The following NFKB1 variants were observed in gnomAD, a reference collection of about 807,000 sequenced individuals.
The protein encoded by NFKB1 is nuclear factor kappa B subunit 1.
In NFKB1, 9 loss-of-function variants were observed where a neutral mutation model predicts 105.1. The observed-to-expected ratio is 0.09, with a 90% confidence interval of 0.05 to 0.15. The LOEUF is 0.15. Among genes scored for constraint, NFKB1 ranks in the 10% least tolerant of loss-of-function variants. The probability of loss-of-function intolerance (pLI) is 1.00; values close to 1 mark genes in which losing one functional copy is unlikely to be tolerated. For synonymous variants in NFKB1, 440 were observed against 442.2 expected, an observed-to-expected ratio of 1.00 and a Z score of 0.06; for missense variants, 830 against 1,203.7, an observed-to-expected ratio of 0.69 and a Z score of 4.59.
At chr4:102,503,401 A>G (rs1353201430) in intron 1 of NFKB1, 1 of 152,016 alleles carries the variant, frequency 6.6e-6, no homozygotes, top group Non-Finnish European at 1.5e-5. Context: ...AAAGGAACAC[A>G]CGTTATATGT....
intron 1 of NFKB1, among the ~76,000 whole-genome samples, chr4:102,525,259 A>C (rs1349422604): frequency 7.3e-6 from 1 of 137,626 alleles, no homozygotes; most frequent in Non-Finnish European, 1.7e-5. Context: ...AACTCAGGAC[A>C]CTGTGGCGAG....
At chr4:102,540,052 A>C (rs1741899721) in intron 5 of NFKB1, among the ~76,000 whole-genome samples, 1 of 152,146 alleles carries the variant, frequency 6.6e-6, no homozygotes, top group South Asian at 2.1e-4. Flanking sequence ...GTATGTGTAT[A>C]TTTGTGAGAA....
At chr4:102,584,107 A>T (rs1158244837) in intron 10 of NFKB1, among the ~76,000 whole-genome samples, 2 of 152,210 alleles carry the variant, frequency 1.3e-5, no homozygotes, top group African/African-American at 2.4e-5. Flanking sequence ...AATGTCAAAG[A>T]GAATACCACT....
chr4:102,574,778 A>G (rs935373390), intron 6 of NFKB1, among the ~76,000 whole-genome samples: 1 of 152,206 alleles, frequency 6.6e-6, no homozygotes, highest in Non-Finnish European at 1.5e-5. Flanking sequence ...GTTTTACTCT[A>G]TCGTTACCTG....
At chr4:102,536,213 C>CATAG (rs1741625546) in intron 4 of NFKB1, among the ~76,000 whole-genome samples, 1 of 152,022 alleles carries the variant, frequency 6.6e-6, no homozygotes, top group Non-Finnish European at 1.5e-5. Flanking sequence ...TTACAAAAGG[C>CATAG]ATAGGGCTGA....
At chr4:102,558,305 G>A (rs1422584021) in intron 5 of NFKB1, among the ~76,000 whole-genome samples, 3 of 151,828 alleles carry the variant, frequency 2.0e-5, no homozygotes, top group Admixed American at 1.3e-4. Context: ...GTAATAATGG[G>A]TTTTCTGTTC....
intron 5 of NFKB1, among the ~76,000 whole-genome samples, chr4:102,542,377 A>C (rs1277554557): frequency 6.6e-6 from 1 of 152,202 alleles, no homozygotes; most frequent in African/African-American, 2.4e-5. Context: ...TTTTTTAAAA[A>C]AAATTTTAAT....
chr4:102,511,646 A>G (rs981907290), intron 1 of NFKB1, among the ~76,000 whole-genome samples: 2 of 152,202 alleles, frequency 1.3e-5, no homozygotes, highest in African/African-American at 2.4e-5. Flanking sequence ...ACTGCAGTCC[A>G]GTCTAGGCAA....
At chr4:102,522,235 C>T (rs72929587) in intron 1 of NFKB1, among the ~76,000 whole-genome samples, 1,845 of 152,260 alleles carry the variant, frequency 0.012, 47 homozygotes, top group African/African-American at 0.041. Flanking sequence ...GTGATTCATC[C>T]TTTCCAAATG....
At chr4:102,558,779 T>C (rs185244161) in intron 5 of NFKB1, among the ~76,000 whole-genome samples, 275 of 152,244 alleles carry the variant, frequency 1.8e-3, no homozygotes, top group Non-Finnish European at 2.9e-3. Flanking sequence ...GTCTCCCAAG[T>C]AGCCGGAACT....
intron 1 of NFKB1, among the ~76,000 whole-genome samples, chr4:102,513,097 A>G (rs747026682): frequency 1.3e-5 from 2 of 152,198 alleles, no homozygotes; most frequent in Non-Finnish European, 2.9e-5. Flanking sequence ...CTGTGATACT[A>G]TGTTTTTAGG....
chr4:102,505,432 T>A (rs965765081), intron 1 of NFKB1, among the ~76,000 whole-genome samples: 1 of 152,234 alleles, frequency 6.6e-6, no homozygotes, highest in Non-Finnish European at 1.5e-5. Flanking sequence ...TAATACAAAT[T>A]TCATCTGCTT....
chr4:102,545,136 A>G (rs774081433), intron 5 of NFKB1, among the ~76,000 whole-genome samples: 13 of 152,132 alleles, frequency 8.5e-5, no homozygotes, highest in African/African-American at 3.1e-4. Context: ...AGATCCCCAC[A>G]TGTGTTCCAC....
rs547833054 is a variant in NFKB1, at chr4:102,579,653, A to G, written c.730+614A>G. On this transcript the variant is annotated intron_variant, in intron 8 of 23. Coordinates refer to ENST00000226574, the MANE Select transcript of NFKB1 (RefSeq NM_003998.4). ...CCCCATCTCAAAAAAAAAAATATAT[A>G]TATATATATATGTATATATATATTA... Among the ~76,000 whole-genome samples the G allele has an allele frequency of 5.6e-3, 796 of 141,962 alleles. 14 individuals carry two copies. The highest frequency in any genetic ancestry group is 0.02 in the African/African-American group (759 of 38,556). The allele number at this position is 141,962 out of a possible 152,430, so 93.1% of individuals were successfully genotyped here. A position where few individuals can be genotyped will look rare whatever the true frequency, so the allele number is the denominator to read the frequency against.
At chr4:102,514,448 C>T (rs1199737460) in intron 1 of NFKB1, among the ~76,000 whole-genome samples, 1 of 152,094 alleles carries the variant, frequency 6.6e-6, no homozygotes. Flanking sequence ...CTTGCCTTTC[C>T]GCCCTCTGCC....
At chr4:102,569,122 A>G (rs1007749202) in intron 6 of NFKB1, among the ~76,000 whole-genome samples, 7 of 152,116 alleles carry the variant, frequency 4.6e-5, no homozygotes, top group African/African-American at 4.8e-5. Context: ...TATTTCTTTC[A>G]TAATTCATTT....
At position 102,593,133 on chromosome 4, in the gene NFKB1, G is replaced by C. The variant is rs563698922; in HGVS notation, c.1067-292G>C. Reference sequence around the variant, plus strand: ...AATTCAGCATCTTCAGGATCTTTTTGATGGATAATCAAATATTTCACTAGT... The same window carrying C: ...AATTCAGCATCTTCAGGATCTTTTTCATGGATAATCAAATATTTCACTAGT... On this transcript the variant is annotated intron_variant, in intron 11 of 23. Coordinates refer to ENST00000226574, the MANE Select transcript of NFKB1 (RefSeq NM_003998.4). The C allele has an allele frequency of 2.0e-5, 4 of 201,296 alleles. No individual in the cohort carries two copies. The East Asian group carries it at 4.6e-4, about 23-fold the overall frequency. The allele number at this position is 201,296 out of a possible 1,614,324, so 12.5% of individuals were successfully genotyped here.
At position 102,616,477 on chromosome 4, in the gene NFKB1, G is replaced by A. The variant is rs1172509319; in HGVS notation, c.2793G>A (p.Glu931=). The A allele has an allele frequency of 9.3e-6, 15 of 1,614,000 alleles. No individual in the cohort carries two copies. Among genetic ancestry groups the A allele is most frequent in the South Asian group, 2.2e-5 (2 of 91,072 alleles). Residue 931 remains glutamate (E), a synonymous_variant, in exon 24 of 24, where the codon GAG becomes GAA. Coordinates refer to ENST00000226574, the MANE Select transcript of NFKB1 (RefSeq NM_003998.4). ...DSDSVCDSGV[E]TSFRKLSFTE... is the part of the protein sequence containing the mutation. ...ACAGTGTCTGCGACAGCGGCGTGGAGACATCCTTCCGCAAACTCAGCTTTA... is the reference window on the plus strand; with the variant it reads ...ACAGTGTCTGCGACAGCGGCGTGGAAACATCCTTCCGCAAACTCAGCTTTA...
At chr4:102,580,761 G>T in intron 9 of NFKB1, 122 bp downstream of exon 9, 1 of 689,282 alleles carries the variant, frequency 1.5e-6, no homozygotes, top group Non-Finnish European at 2.4e-6. Context: ...GCCACAGAAA[G>T]TCTTAAAAAG....
Sources: gnomAD v4.1 joint callset for allele counts (sites outside exome capture counted in the v4.1 genomes callset) on GRCh38, gnomAD v4.1.1 for gene constraint, MANE v1.5 for transcripts, NCBI Gene and HGNC (gene_info 2026-07-23, HGNC 2026-07-21) for gene names.